The following SAE1 variants were observed in gnomAD, a reference collection of about 807,000 sequenced individuals.
The protein encoded by SAE1 is SUMO-activating enzyme subunit 1.
A neutral mutation model predicts 40.6 loss-of-function variants in SAE1; 11 were observed. That is an observed-to-expected ratio of 0.27 (90% CI 0.17 to 0.45). The LOEUF is 0.45. SAE1 is among the 20% of genes least tolerant of loss of function. The pLI, the probability that SAE1 is intolerant of heterozygous loss-of-function variation, is 1.00. For synonymous variants in SAE1, 155 were observed against 154.3 expected (o/e 1.00, Z -0.03); for missense variants, 373 against 427.3 (o/e 0.87, Z 1.12).
chr19:47,183,587 AT>A (rs1774707809), intron 6 of SAE1, among the ~76,000 whole-genome samples: 1 of 152,130 alleles, frequency 6.6e-6, no homozygotes, highest in Non-Finnish European at 1.5e-5. Flanking sequence ...AATGGGCAAC[AT>A]TGTCAGCAAC....
chr19:47,209,556 A>T lies in SAE1; in HGVS notation c.*305A>T, dbSNP rs970500867. On this transcript the variant is annotated 3_prime_UTR_variant, in exon 9 of 9. Transcript: ENST00000270225. The stretch of plus-strand genomic sequence containing the variant: ...ACCCCTCTGCCCTTTCTCTGTCCTT[A>T]TGCTGTCCCGGCCTCGCCAGCCCTC... 3 of 470,894 alleles carry T rather than the reference A, an allele frequency of 6.4e-6. No individual in the cohort carries two copies. The highest frequency in any genetic ancestry group is 1.1e-5 in the Non-Finnish European group (3 of 265,452). The allele number at this position is 470,894 out of a possible 1,614,324, so 29.2% of individuals were successfully genotyped here. A position where few individuals can be genotyped will look rare whatever the true frequency, so the allele number is the denominator to read the frequency against.
chr19:47,192,302 T>TTGC (rs2123300087), intron 6 of SAE1, among the ~76,000 whole-genome samples: 1 of 151,892 alleles, frequency 6.6e-6, no homozygotes. Context: ...CCAGGCTAGA[T>TTGC]TGCAGTGGCA....
intron 6 of SAE1, among the ~76,000 whole-genome samples, chr19:47,186,830 C>G (rs562280067): frequency 6.6e-6 from 1 of 152,236 alleles, no homozygotes; most frequent in Admixed American, 6.5e-5. Flanking sequence ...TCAGAGTAGT[C>G]TTCATGGGCG....
chr19:47,151,614 T>A (rs937021243), intron 3 of SAE1, among the ~76,000 whole-genome samples: 1 of 152,172 alleles, frequency 6.6e-6, no homozygotes, highest in Non-Finnish European at 1.5e-5. Context: ...ACTTTTCTAT[T>A]TCATATGTGC....
chr19:47,193,404 T>C (rs2058592151), intron 6 of SAE1, among the ~76,000 whole-genome samples: 1 of 152,050 alleles, frequency 6.6e-6, no homozygotes, highest in East Asian at 1.9e-4. Flanking sequence ...TGAGGTAGCA[T>C]TGAGGGTTGC....
intron 6 of SAE1, among the ~76,000 whole-genome samples, chr19:47,178,084 T>G (rs759481578): frequency 4.0e-5 from 6 of 151,794 alleles, no homozygotes; most frequent in Non-Finnish European, 8.8e-5. Flanking sequence ...CTACTAAAAA[T>G]ACAAAAATTA....
chr19:47,175,182 T>C (rs1600187650), intron 6 of SAE1, among the ~76,000 whole-genome samples: 1 of 127,756 alleles, frequency 7.8e-6, no homozygotes, highest in South Asian at 2.5e-4. Context: ...GGATGCAGGG[T>C]GGCTTTGGGG....
At chr19:47,184,798 TTTTTGTTTTGTTTTG>T (rs201318034) in intron 6 of SAE1, among the ~76,000 whole-genome samples, 165 of 148,568 alleles carry the variant, frequency 1.1e-3, no homozygotes, top group East Asian at 5.5e-3. Context: ...TTTTGTTTTG[TTTTTGTTTTGTTTTG>T]TTTTGTTTTG....
Position 47,130,894 on chromosome 19 carries a change from G to T in SAE1, c.-37G>T, listed in dbSNP as rs938091195. ...CGCGGGTCCGGCGGGCGGTTGGCTTGAGCGGGACCGGAGCTGAGGCAGGAA... is the reference window on the plus strand; with the variant it reads ...CGCGGGTCCGGCGGGCGGTTGGCTTTAGCGGGACCGGAGCTGAGGCAGGAA... On this transcript the variant is annotated 5_prime_UTR_variant, in exon 1 of 9. Transcript: ENST00000270225. The T allele has an allele frequency of 1.9e-6, 3 of 1,547,872 alleles. No individual in the cohort carries two copies. The East Asian group carries it at 7.3e-5, about 38-fold the overall frequency.
intron 2 of SAE1, among the ~76,000 whole-genome samples, chr19:47,144,668 C>T (rs2058243857): frequency 6.6e-6 from 1 of 152,106 alleles, no homozygotes; most frequent in Admixed American, 6.6e-5. Context: ...CACTGCACTC[C>T]AGCCTTGGCA....
chr19:47,170,125 C>A (rs16980850), intron 6 of SAE1, among the ~76,000 whole-genome samples: 4 of 152,254 alleles, frequency 2.6e-5, no homozygotes, highest in Admixed American at 2.6e-4. Context: ...AATGACTTCT[C>A]CTTTTTTTAC....
At chr19:47,173,442 T>C (rs1205267068) in intron 6 of SAE1, among the ~76,000 whole-genome samples, 1 of 152,202 alleles carries the variant, frequency 6.6e-6, no homozygotes, top group Non-Finnish European at 1.5e-5. Flanking sequence ...ATATTCACTT[T>C]GCTCCTAGAT....
At chr19:47,205,204 C>G (rs1308008904) in intron 8 of SAE1, among the ~76,000 whole-genome samples, 1 of 152,014 alleles carries the variant, frequency 6.6e-6, no homozygotes, top group Admixed American at 6.6e-5. Context: ...ATGTACATGT[C>G]AAGTTTGAGC....
At chr19:47,158,431 C>G (rs2058336947) in intron 5 of SAE1, among the ~76,000 whole-genome samples, 1 of 152,128 alleles carries the variant, frequency 6.6e-6, no homozygotes, top group South Asian at 2.1e-4. Context: ...ACAATCAGGT[C>G]TCGGGCACAA....
At chr19:47,170,589 C>G (rs1209567008) in intron 6 of SAE1, among the ~76,000 whole-genome samples, 1 of 150,274 alleles carries the variant, frequency 6.7e-6, no homozygotes, top group Non-Finnish European at 1.5e-5. Flanking sequence ...TCACTGTAGC[C>G]TCTACTTCCT....
At chr19:47,166,324 C>T (rs1437806288) in intron 5 of SAE1, among the ~76,000 whole-genome samples, 2 of 152,098 alleles carry the variant, frequency 1.3e-5, no homozygotes, top group African/African-American at 4.8e-5. Context: ...CACAGAACTC[C>T]TAAGGAGTGT....
chr19:47,198,195 T>C (rs2058628488), intron 7 of SAE1, among the ~76,000 whole-genome samples: 1 of 152,128 alleles, frequency 6.6e-6, no homozygotes, highest in Non-Finnish European at 1.5e-5. Flanking sequence ...CCGCAACTTC[T>C]GCCGCCTGGG....
At chr19:47,176,944 A>AT (rs376417031) in intron 6 of SAE1, among the ~76,000 whole-genome samples, 31 of 152,350 alleles carry the variant, frequency 2.0e-4, no homozygotes, top group African/African-American at 7.5e-4. Flanking sequence ...TGAGTTTATC[A>AT]TAACAGGAGT....
intron 6 of SAE1, among the ~76,000 whole-genome samples, chr19:47,178,056 C>T (rs2058481820): frequency 6.6e-6 from 1 of 152,038 alleles, no homozygotes; most frequent in Non-Finnish European, 1.5e-5. Context: ...TCCTGGCCAA[C>T]ATAGTGAAAC....
Sources: allele counts gnomAD v4.1 joint callset (sites outside exome capture counted in the v4.1 genomes callset), GRCh38; gene constraint gnomAD v4.1.1; transcripts MANE v1.5; gene names NCBI Gene and HGNC (gene_info 2026-07-23, HGNC 2026-07-21).